The following FMN1 variants were observed in gnomAD, a reference collection of about 807,000 sequenced individuals.
FMN1 encodes the protein formin-1.
A neutral mutation model predicts 132.4 loss-of-function variants in FMN1; 110 were observed. The observed-to-expected ratio is 0.83, with a 90% confidence interval of 0.71 to 0.97. The LOEUF is 0.97. Ranked by LOEUF, FMN1 falls within the 50% of genes least tolerant of loss-of-function variation. The pLI, the probability that FMN1 is intolerant of heterozygous loss-of-function variation, is 0.00. For synonymous variants in FMN1, 722 were observed against 651.7 expected (o/e 1.11, Z -1.64); for missense variants, 1,792 against 1,705.3 (o/e 1.05, Z -0.90).
At chr15:33,188,413 C>T (rs1036045243) in intron 2 of FMN1, among the ~76,000 whole-genome samples, 1 of 152,096 alleles carries the variant, frequency 6.6e-6, no homozygotes, top group Non-Finnish European at 1.5e-5. Flanking sequence ...GAAGCTGTTG[C>T]CCTGGGTCCA....
At chr15:33,064,221 T>C (rs1255022120) in intron 6 of FMN1, 5 of 152,156 alleles carry the variant, frequency 3.3e-5, no homozygotes, top group African/African-American at 4.8e-5. Flanking sequence ...ACAACAAATA[T>C]AAGCCACGTA....
chr15:32,987,320 A>G (rs1198160841), intron 7 of FMN1, among the ~76,000 whole-genome samples: 1 of 152,170 alleles, frequency 6.6e-6, no homozygotes, highest in Non-Finnish European at 1.5e-5. Flanking sequence ...AAGAGATGAC[A>G]TGCTTGTTTG....
chr15:33,128,513 A>C (rs1031278314), intron 4 of FMN1, among the ~76,000 whole-genome samples: 1 of 152,250 alleles, frequency 6.6e-6, no homozygotes, highest in Non-Finnish European at 1.5e-5. Flanking sequence ...CATTACACTG[A>C]GAATGAAACA....
chr15:32,932,526 GA>G (rs1389067222), intron 9 of FMN1, among the ~76,000 whole-genome samples: 1 of 152,202 alleles, frequency 6.6e-6, no homozygotes, highest in Non-Finnish European at 1.5e-5. Context: ...AATGAATTTG[GA>G]AGGGTGACCT....
chr15:32,988,471 A>G (rs2033222769), intron 7 of FMN1, among the ~76,000 whole-genome samples: 1 of 152,200 alleles, frequency 6.6e-6, no homozygotes, highest in South Asian at 2.1e-4. Flanking sequence ...AACCTAAGAC[A>G]GCATATTCTC....
intron 15 of FMN1, among the ~76,000 whole-genome samples, chr15:32,892,341 T>C (rs1037533407): frequency 6.6e-6 from 1 of 152,254 alleles, no homozygotes; most frequent in Non-Finnish European, 1.5e-5. Flanking sequence ...TAATTCTGTT[T>C]ATGTGGTGTT....
chr15:32,858,141 G>C (rs1036410073), intron 16 of FMN1, among the ~76,000 whole-genome samples: 3 of 152,146 alleles, frequency 2.0e-5, no homozygotes, highest in Non-Finnish European at 4.4e-5. Flanking sequence ...ACACAGGTAA[G>C]GTATTTTGGA....
chr15:33,081,662 G>C (rs988688378), intron 5 of FMN1, among the ~76,000 whole-genome samples: 3 of 152,234 alleles, frequency 2.0e-5, no homozygotes, highest in African/African-American at 7.2e-5. Flanking sequence ...TCCAGAAGTA[G>C]TGGAGCGGTA....
intron 5 of FMN1, among the ~76,000 whole-genome samples, chr15:33,088,589 C>T (rs751752541): frequency 1.3e-5 from 2 of 152,236 alleles, no homozygotes; most frequent in South Asian, 4.1e-4. Flanking sequence ...CAAACACAGT[C>T]ACTTCCAGAC....
At chr15:32,949,122 T>C (rs2061569671) in intron 9 of FMN1, among the ~76,000 whole-genome samples, 1 of 152,118 alleles carries the variant, frequency 6.6e-6, no homozygotes, top group South Asian at 2.1e-4. Context: ...AATTCCATTA[T>C]AATTACTTTC....
At chr15:32,920,291 C>T (rs955018350) in intron 10 of FMN1, among the ~76,000 whole-genome samples, 9 of 152,164 alleles carry the variant, frequency 5.9e-5, no homozygotes, top group African/African-American at 1.9e-4. Flanking sequence ...TATAAGTCAT[C>T]CTATCTAGCA....
chr15:32,782,281 A>G (rs995660645), intron 19 of FMN1, among the ~76,000 whole-genome samples: 1 of 152,182 alleles, frequency 6.6e-6, no homozygotes, highest in Non-Finnish European at 1.5e-5. Flanking sequence ...CTTAGTATCT[A>G]CGTGACAAAT....
intron 6 of FMN1, among the ~76,000 whole-genome samples, chr15:33,018,470 C>T (rs1356356232): frequency 6.6e-6 from 1 of 152,110 alleles, no homozygotes; most frequent in African/African-American, 2.4e-5. Flanking sequence ...CCCATGCGTA[C>T]ATAATAGAGC....
At chr15:33,110,189 C>G (rs994241834) in intron 4 of FMN1, among the ~76,000 whole-genome samples, 3 of 151,952 alleles carry the variant, frequency 2.0e-5, no homozygotes, top group Admixed American at 6.6e-5. Context: ...GCAAAAATAC[C>G]TGTCAGATTA....
intron 6 of FMN1, among the ~76,000 whole-genome samples, chr15:33,062,134 G>C (rs926330167): frequency 4.0e-5 from 6 of 151,892 alleles, no homozygotes; most frequent in African/African-American, 1.2e-4. Flanking sequence ...TATTTAGTAA[G>C]AAAAAACAAC....
intron 15 of FMN1, among the ~76,000 whole-genome samples, chr15:32,895,498 TA>T (rs1017371994): frequency 6.6e-6 from 1 of 152,182 alleles, no homozygotes; most frequent in Non-Finnish European, 1.5e-5. Context: ...GTGAATTTTT[TA>T]AAGTGTGCCC....
chr15:33,040,624 ACT>A (rs1292134316), intron 6 of FMN1, among the ~76,000 whole-genome samples: 7 of 152,230 alleles, frequency 4.6e-5, no homozygotes, highest in African/African-American at 1.7e-4. Flanking sequence ...AGCAATGGTG[ACT>A]CTGATGTCAC....
chr15:32,922,884 T>C (rs2060867117), intron 10 of FMN1, among the ~76,000 whole-genome samples: 1 of 152,344 alleles, frequency 6.6e-6, no homozygotes, highest in Non-Finnish European at 1.5e-5. Flanking sequence ...GTGTGCTTAT[T>C]ATGCATATGC....
chr15:32,888,584 A>C (rs983399695), intron 15 of FMN1, among the ~76,000 whole-genome samples: 1 of 152,100 alleles, frequency 6.6e-6, no homozygotes, highest in African/African-American at 2.4e-5. Flanking sequence ...GATCTTGGAC[A>C]CTCCACTCCC....
Sources: gnomAD v4.1 joint callset for allele counts (sites outside exome capture counted in the v4.1 genomes callset) on GRCh38, gnomAD v4.1.1 for gene constraint, MANE v1.5 for transcripts, NCBI Gene and HGNC (gene_info 2026-07-23, HGNC 2026-07-21) for gene names.